The following LRP5 variants were observed in gnomAD, a reference collection of about 807,000 sequenced individuals.
LRP5 encodes LDL receptor related protein 5, also known as low-density lipoprotein receptor-related protein 5.
Under a neutral mutation model 154.1 loss-of-function variants are expected in LRP5, and 62 were observed. The observed-to-expected ratio is 0.40, with a 90% CI of 0.33 to 0.50. LRP5 has a LOEUF of 0.50. LRP5 is among the 20% of genes least tolerant of loss of function. The pLI, the probability that LRP5 is intolerant of heterozygous loss-of-function variation, is 0.55. For synonymous variants in LRP5, 966 were observed against 1,011.5 expected, an observed-to-expected ratio of 0.96 and a Z score of 0.85; for missense variants, 1,915 against 2,336.7, an observed-to-expected ratio of 0.82 and a Z score of 3.72.
At chr11:68,367,620 G>A (rs1267279634) in intron 5 of LRP5, among the ~76,000 whole-genome samples, 1 of 152,220 alleles carries the variant, frequency 6.6e-6, no homozygotes, top group Admixed American at 6.5e-5. Context: ...TGCTGGAGCT[G>A]GACCCTGCGC....
chr11:68,434,773 C>T (rs915500168), intron 18 of LRP5, among the ~76,000 whole-genome samples: 1 of 140,306 alleles, frequency 7.1e-6, no homozygotes, highest in Non-Finnish European at 1.7e-5. Flanking sequence ...CTGTTGATGC[C>T]CTCGCTCTCC....
At chr11:68,324,040 C>T (rs2098598256) in intron 1 of LRP5, among the ~76,000 whole-genome samples, 1 of 152,256 alleles carries the variant, frequency 6.6e-6, no homozygotes, top group South Asian at 2.1e-4. Flanking sequence ...TGGTCAGGGA[C>T]TCCTGACCTG....
rs2098592924 is a variant in LRP5 at position 68,315,779 on chromosome 11, G to C, written c.91+2974G>C. 4.6e-5 allele frequency among the ~76,000 whole-genome samples: 7 copies of C among 152,340 alleles called. No individual in the cohort carries two copies. The South Asian group carries it at 1.4e-3, about 32-fold the overall frequency. On this transcript the variant is annotated intron_variant, in intron 1 of 22. Coordinates refer to ENST00000294304, the MANE Select transcript of LRP5 (RefSeq NM_002335.4). ...GGCCCACGGGTGCTCCTTCACCCTC[G>C]GGGTGTCCTGCGAGAGGCCCTTAGA...
rs185852515 is a variant in LRP5, at chr11:68,383,358, G to T, written c.1016-2958G>T. Among the ~76,000 whole-genome samples the T allele has an allele frequency of 2.0e-3, 300 of 152,316 alleles. 1 individual carries two copies. Among genetic ancestry groups the T allele is most frequent in the Non-Finnish European group, 3.2e-3 (220 of 68,032 alleles). On this transcript the variant is annotated intron_variant, in intron 5 of 22. Transcript: ENST00000294304. ...CTGTGCCTGGCAGTCTCATTGGAAAGTTCTGTAGACATCGTGTGGATGGGG... is the reference window on the plus strand; with the variant it reads ...CTGTGCCTGGCAGTCTCATTGGAAATTTCTGTAGACATCGTGTGGATGGGG...
intron 5 of LRP5, among the ~76,000 whole-genome samples, chr11:68,384,110 C>A (rs545515082): frequency 1.3e-5 from 2 of 152,074 alleles, no homozygotes; most frequent in East Asian, 3.9e-4. Flanking sequence ...GTTGCCATCA[C>A]GTGGGCGCCC....
At chr11:68,314,210 G>A (rs149022778) in intron 1 of LRP5, among the ~76,000 whole-genome samples, 2 of 152,244 alleles carry the variant, frequency 1.3e-5, no homozygotes, top group Non-Finnish European at 2.9e-5. Context: ...GGGTTTCTAG[G>A]CCGACCGCGT....
chr11:68,370,989 C>T (rs2098633725), intron 5 of LRP5, among the ~76,000 whole-genome samples: 1 of 152,172 alleles, frequency 6.6e-6, no homozygotes, highest in East Asian at 1.9e-4. Flanking sequence ...TTTTTGTAAG[C>T]ATGGTTCCCC....
chr11:68,363,608 G>GATTA (rs1348263305), intron 3 of LRP5, 139 bp from the exon 4 acceptor site: 1 of 727,886 alleles, frequency 1.4e-6, no homozygotes, highest in Admixed American at 2.2e-5. Context: ...AGTGAGCTGA[G>GATTA]ATTACATCAC....
chr11:68,363,971 A>T, intron 4 of LRP5, 28 bp downstream of exon 4: 16 of 278,092 alleles, frequency 5.8e-5, no homozygotes, highest in East Asian at 1.3e-4. Flanking sequence ...CGCGGGGGCG[A>T]GGGTGCGGGG....
intron 22 of LRP5, among the ~76,000 whole-genome samples, chr11:68,448,100 C>T (rs949001943): frequency 8.5e-5 from 13 of 152,228 alleles, no homozygotes; most frequent in African/African-American, 2.2e-4. Flanking sequence ...CAAGTCACAT[C>T]TTACATGGCT....
chr11:68,343,876 G>A (rs1179942388), intron 1 of LRP5, among the ~76,000 whole-genome samples: 1 of 152,144 alleles, frequency 6.6e-6, no homozygotes, highest in Non-Finnish European at 1.5e-5. Flanking sequence ...TCCTGGTAGC[G>A]GGTGCTGCAC....
chr11:68,426,124 C>T lies in LRP5; in HGVS notation c.3574C>T (p.Gln1192Ter). ...KTTGDKRTRI[Q>*]GRVAHLTGIH... ...CACCGGGGACAAGCGGACTCGCATC[C>T]AGGGCCGTGTCGCCCACCTCACTGG... is the stretch of plus-strand genomic sequence containing the variant. The change falls in exon 16 of 23, where the codon CAG (glutamine) becomes TAG (stop). Residue 1192 changes from glutamine (Q) to a stop codon, truncating the protein, a stop_gained. Coordinates refer to ENST00000294304, the MANE Select transcript of LRP5 (RefSeq NM_002335.4). LOFTEE classifies it high-confidence loss of function. 6.2e-7 allele frequency: 1 copy of T among 1,613,240 alleles called. No individual in the cohort carries two copies. Among genetic ancestry groups the T allele is most frequent in the East Asian group, 2.2e-5 (1 of 44,884 alleles).
In LRP5 at chr11:68,433,617, C is replaced by T. The variant is rs763184695; in HGVS notation, c.3779C>T (p.Ser1260Phe). The T allele has an allele frequency of 3.1e-6, 5 of 1,613,340 alleles. No individual in the cohort carries two copies. The highest frequency in any genetic ancestry group is 2.2e-5 in the East Asian group (1 of 44,892). ...LLTCGEPPTC[S>F]PDQFACATGE... ...CCTCCCCCAGAGCCGCCCACCTGCT[C>T]CCCGGACCAGTTTGCATGTGCCACA... Residue 1260 changes from serine to phenylalanine, a missense_variant, in exon 18 of 23, where the codon TCC (serine) becomes TTC (phenylalanine). Ser to Phe is a radical substitution (Grantham distance 155). Coordinates refer to ENST00000294304, the MANE Select transcript of LRP5 (RefSeq NM_002335.4).
chr11:68,431,808 C>T (rs182746320), intron 17 of LRP5, among the ~76,000 whole-genome samples: 4 of 152,350 alleles, frequency 2.6e-5, no homozygotes, highest in Admixed American at 6.5e-5. Flanking sequence ...GCCGTCAGAA[C>T]GCTGCACTAA....
Position 68,406,765 on chromosome 11 carries a change from C to T in LRP5, c.2043C>T (p.Asp681=), listed in dbSNP as rs2098655940. 8 of 1,614,030 alleles carry T rather than the reference C, an allele frequency of 5.0e-6. No individual in the cohort carries two copies. The highest frequency in any genetic ancestry group is 5.9e-6 in the Non-Finnish European group (7 of 1,180,044). ...GCGTCAAGGAGGCCTCAGCCCTGGA[C>T]TTTGATGTGTCCAACAACCACATCT... ...LTGVKEASAL[D]FDVSNNHIYW... The change falls in exon 9 of 23, where the codon GAC becomes GAT. Residue 681 remains aspartate (D), a synonymous_variant. Coordinates refer to ENST00000294304, the MANE Select transcript of LRP5 (RefSeq NM_002335.4).
chr11:68,358,640 G>A (rs2153136573), intron 3 of LRP5, among the ~76,000 whole-genome samples: 1 of 152,290 alleles, frequency 6.6e-6, no homozygotes, highest in Non-Finnish European at 1.5e-5. Flanking sequence ...CTCACCAGGG[G>A]GCCTTCCACA....
At chr11:68,309,002 C>T (rs545857431), upstream of LRP5, among the ~76,000 whole-genome samples, 2 of 144,564 alleles carry the variant, frequency 1.4e-5, no homozygotes, top group South Asian at 4.4e-4. Flanking sequence ...GGCGCAATCT[C>T]GGCTCACTGC....
rs551018389 is a variant in LRP5, at chr11:68,312,617, G to A, written c.-98G>A. 1.7e-5 allele frequency: 7 copies of A among 421,964 alleles called. No homozygotes were observed. The highest frequency in any genetic ancestry group is 1.5e-4 in the East Asian group (1 of 6,502). The allele number at this position is 421,964 out of a possible 1,614,324, so 26.1% of individuals were successfully genotyped here. Reference sequence around the variant, plus strand: ...TCGTCCTGGTCCGCGGCGCCCGAGGGGGGAGGCGGAGGCGCCGGGAGCCGC... The same window carrying A: ...TCGTCCTGGTCCGCGGCGCCCGAGGAGGGAGGCGGAGGCGCCGGGAGCCGC... On this transcript the variant is annotated 5_prime_UTR_variant, in exon 1 of 23. Transcript: ENST00000294304.
chr11:68,329,108 C>T (rs1278154478), intron 1 of LRP5, among the ~76,000 whole-genome samples: 1 of 152,212 alleles, frequency 6.6e-6, no homozygotes, highest in Non-Finnish European at 1.5e-5. Context: ...TAGTTAGAGT[C>T]GTTTCGATAC....
Sources: allele counts gnomAD v4.1 joint callset (sites outside exome capture counted in the v4.1 genomes callset), GRCh38; gene constraint gnomAD v4.1.1; transcripts MANE v1.5; gene names NCBI Gene and HGNC (gene_info 2026-07-23, HGNC 2026-07-21).